The following BNIP2 variants were observed in gnomAD, a reference collection of about 807,000 sequenced individuals.
The protein encoded by BNIP2 is BCL2 interacting protein 2.
Under a neutral mutation model 43.4 loss-of-function variants are expected in BNIP2, and 36 were observed. The observed-to-expected ratio is 0.83, with a 90% confidence interval of 0.64 to 1.10. The LOEUF is 1.10. Among genes scored for constraint, BNIP2 ranks in the 50% least tolerant of loss-of-function variants. BNIP2 has a pLI of 0.00. For synonymous variants in BNIP2, 146 were observed against 121.0 expected (o/e 1.21, Z -1.35); for missense variants, 417 against 374.1 (o/e 1.11, Z -0.95).
chr15:59,664,009 G>T lies in BNIP2; in HGVS notation c.*60C>A. 1 of 1,280,422 alleles carries T rather than the reference G, an allele frequency of 7.8e-7. No homozygotes were observed. The highest frequency in any genetic ancestry group is 1.1e-6 in the Non-Finnish European group (1 of 933,138). 79.3% of individuals were successfully genotyped at this position (1,280,422 alleles called of 1,614,324 possible). On this transcript the variant is annotated 3_prime_UTR_variant, in exon 10 of 10. Coordinates refer to ENST00000607373, the MANE Select transcript of BNIP2 (RefSeq NM_004330.4). ...ATGGGCCAATAAATGCATTATGAAT[G>T]CAGAAACAGCACTGCTCCATCAGCA...
At chr15:59,676,314 C>G (rs1483070938) in intron 5 of BNIP2, among the ~76,000 whole-genome samples, 1 of 152,150 alleles carries the variant, frequency 6.6e-6, no homozygotes, top group Non-Finnish European at 1.5e-5. Flanking sequence ...GCTGGGACTA[C>G]AGGCATATGC....
Position 59,668,938 on chromosome 15 carries a change from CT to C in BNIP2, c.846del (p.Glu283AsnfsTer14). On this transcript the variant is annotated frameshift_variant, in exon 9 of 10. Coordinates refer to ENST00000607373, the MANE Select transcript of BNIP2 (RefSeq NM_004330.4). LOFTEE classifies it high-confidence loss of function. ...CCAACGTATTCCATGGGGACAAGTT[CT>C]GCTAGTTCTGCCAAATTAAACACGT... ...IRYVFNLAEL[A>X]ELVPMEYVGI... 6.2e-7 allele frequency: 1 copy of C among 1,613,716 alleles called. No homozygotes were observed. Among genetic ancestry groups the C allele is most frequent in the Non-Finnish European group, 8.5e-7 (1 of 1,179,754 alleles).
At chr15:59,688,982 G>A (rs1204310760) in intron 1 of BNIP2, 153 bp downstream of exon 1, 3 of 1,442,470 alleles carry the variant, frequency 2.1e-6, no homozygotes, top group African/African-American at 2.9e-5. Context: ...AGCACCTCCC[G>A]AGCAGGTTCT....
intron 1 of BNIP2, chr15:59,688,759 C>T: frequency 1.3e-6 from 2 of 1,535,662 alleles, no homozygotes; most frequent in South Asian, 1.2e-5. Flanking sequence ...TTGTTCTGTA[C>T]CAGGACGGAC....
chr15:59,679,334 A>C (rs1018830340), intron 4 of BNIP2: 39 of 310,564 alleles, frequency 1.3e-4, no homozygotes, highest in Non-Finnish European at 1.9e-4. Context: ...TGATTGACTA[A>C]AAAAGAGCAT....
intron 9 of BNIP2, 32 bp from the exon 10 acceptor site, chr15:59,664,152 C>T: frequency 1.5e-6 from 2 of 1,367,894 alleles, no homozygotes; most frequent in South Asian, 2.7e-5. Context: ...AAATAAGAAA[C>T]CAGCAACTGA....
At chr15:59,687,911 T>C (rs6151447) in intron 1 of BNIP2, among the ~76,000 whole-genome samples, 58,535 of 152,064 alleles carry the variant, frequency 0.38, 11,774 homozygotes, top group East Asian at 0.56. Flanking sequence ...CCATATCTAG[T>C]CCGGAACTGT....
At position 59,677,364 on chromosome 15, in the gene BNIP2, G is replaced by A. The variant is rs147028946; in HGVS notation, c.472+547C>T. 1.9e-4 allele frequency: 296 copies of A among 1,546,120 alleles called. No homozygotes were observed. The African/African-American group carries it at 3.5e-3, about 18-fold the overall frequency. ...GCCAGCATCGTCTTCCATGGGAGAT[G>A]ACTCTTAAGCCATAAGGGTTGGTTT... is the stretch of plus-strand genomic sequence containing the variant. On this transcript the variant is annotated intron_variant, in intron 5 of 9. Coordinates refer to ENST00000607373, the MANE Select transcript of BNIP2 (RefSeq NM_004330.4).
chr15:59,679,349 T>A, intron 4 of BNIP2: 1 of 348,986 alleles, frequency 2.9e-6, no homozygotes, highest in Non-Finnish European at 5.1e-6. Context: ...GAGCATGCCA[T>A]AATTATCAAG....
chr15:59,677,106 A>C, intron 5 of BNIP2: 1 of 1,607,894 alleles, frequency 6.2e-7, no homozygotes, highest in Non-Finnish European at 8.5e-7. Context: ...AGAAATGGGC[A>C]AGGTCAAGGA....
intron 4 of BNIP2, chr15:59,678,575 A>G (rs1351465079): frequency 2.7e-6 from 3 of 1,111,872 alleles, no homozygotes; most frequent in South Asian, 2.1e-5. Flanking sequence ...TCAGTTTTAT[A>G]AAGCAGAAAT....
At chr15:59,671,660 G>A (rs1270756394) in intron 6 of BNIP2, among the ~76,000 whole-genome samples, 1 of 152,026 alleles carries the variant, frequency 6.6e-6, no homozygotes, top group African/African-American at 2.4e-5. Context: ...TCCACAATAC[G>A]GTTTTTAAAA....
chr15:59,674,274 GAA>G (rs34612721), intron 5 of BNIP2, among the ~76,000 whole-genome samples: 85,535 of 151,692 alleles, frequency 0.56, 24,752 homozygotes, highest in Middle Eastern at 0.65. Context: ...ATTTGCACAT[GAA>G]AAGATTTGAA....
rs961850781 is a variant in BNIP2 at position 59,688,718 on chromosome 15, G to A, written c.-58+417C>T. ...GCTGCTTCCGTGTCTATTCCCCGCG[G>A]TTACGAGGCATACCAGAAGTCCAAG... is the stretch of plus-strand genomic sequence containing the variant. On this transcript the variant is annotated intron_variant, in intron 1 of 9. Transcript: ENST00000607373. 3.9e-6 allele frequency: 6 copies of A among 1,535,502 alleles called. No individual in the cohort carries two copies. In the Admixed American group the frequency reaches 9.8e-5, roughly 25 times the overall value.
chr15:59,682,442 G>A lies in BNIP2; in HGVS notation c.16C>T (p.Leu6Phe). Residue 6 changes from leucine to phenylalanine, a missense_variant, in exon 2 of 10, where the codon CTT becomes TTT. Transcript: ENST00000607373. ...TCTTCATCTTGCCATTCTTCTTTAA[G>A]TTCCACACCTTCCATCCTCAGCCTG... The part of the protein sequence containing the change: MEGVE[L>F]KEEWQDEDFP... 1 of 1,613,404 alleles carries A rather than the reference G, an allele frequency of 6.2e-7. No homozygotes were observed. The highest frequency in any genetic ancestry group is 1.6e-4 in the Middle Eastern group (1 of 6,062).
At chr15:59,674,022 G>C (rs67820349) in intron 5 of BNIP2, among the ~76,000 whole-genome samples, 2 of 149,678 alleles carry the variant, frequency 1.3e-5, no homozygotes, top group Non-Finnish European at 1.5e-5. Flanking sequence ...CCTGGGAGGC[G>C]GAGGTTGCAG....
chr15:59,678,479 G>C, intron 4 of BNIP2: 1 of 1,064,516 alleles, frequency 9.4e-7, no homozygotes, highest in Non-Finnish European at 1.1e-6. Flanking sequence ...CTATCTGGGA[G>C]CCAATTTTGT....
In BNIP2 at chr15:59,662,419, C is replaced by G. The variant is rs144604525; in HGVS notation, c.*1650G>C. The G allele has an allele frequency of 2.6e-5, 4 of 152,326 alleles. No individual in the cohort carries two copies. The highest frequency in any genetic ancestry group is 9.6e-5 in the African/African-American group (4 of 41,580). 9.4% of individuals were successfully genotyped at this position (152,326 alleles called of 1,614,324 possible). A position where few individuals can be genotyped will look rare whatever the true frequency, so the allele number is the denominator to read the frequency against. On this transcript the variant is annotated 3_prime_UTR_variant, in exon 10 of 10. Coordinates refer to ENST00000607373, the MANE Select transcript of BNIP2 (RefSeq NM_004330.4). ...TCAATTCACTGTAATGACATTAGTTCAGGATCTGCCAAGAGCTGCTGGATC... is the reference window on the plus strand; with the variant it reads ...TCAATTCACTGTAATGACATTAGTTGAGGATCTGCCAAGAGCTGCTGGATC...
intron 5 of BNIP2, among the ~76,000 whole-genome samples, chr15:59,676,231 G>C (rs1317427819): frequency 6.6e-6 from 1 of 152,150 alleles, no homozygotes; most frequent in African/African-American, 2.4e-5. Flanking sequence ...AGTGCAGTGG[G>C]ATGATCACGG....
Sources: gnomAD v4.1 joint callset for allele counts (sites outside exome capture counted in the v4.1 genomes callset) on GRCh38, gnomAD v4.1.1 for gene constraint, MANE v1.5 for transcripts, NCBI Gene and HGNC (gene_info 2026-07-23, HGNC 2026-07-21) for gene names.